DNAH14: variants seen among roughly 807,000 people sequenced by gnomAD.
DNAH14 encodes axonemal beta dynein heavy chain 14.
A neutral mutation model predicts 520.9 loss-of-function variants in DNAH14; 478 were observed. That is an observed-to-expected ratio of 0.92 (90% CI 0.85 to 0.99). The LOEUF (loss-of-function observed/expected upper bound fraction) is 0.99, where lower values mean the gene tolerates loss of function less well. Among genes scored for constraint, DNAH14 ranks in the 50% least tolerant of loss-of-function variants. The probability of loss-of-function intolerance (pLI) is 0.00; values close to 1 mark genes in which losing one functional copy is unlikely to be tolerated. For synonymous variants in DNAH14, 1,581 were observed against 1,757.2 expected, an observed-to-expected ratio of 0.90 and a Z score of 2.51; for missense variants, 4,831 against 5,234.5, an observed-to-expected ratio of 0.92 and a Z score of 2.38.
intron 15 of DNAH14, among the ~76,000 whole-genome samples, chr1:225,048,372 C>T (rs904092001): frequency 2.0e-5 from 3 of 152,006 alleles, no homozygotes; most frequent in South Asian, 2.1e-4. Context: ...CATTGTGGCA[C>T]GCACCTGTAA....
At chr1:225,287,906 A>G (rs2093784267) in intron 54 of DNAH14, among the ~76,000 whole-genome samples, 1 of 152,204 alleles carries the variant, frequency 6.6e-6, no homozygotes, top group Non-Finnish European at 1.5e-5. Flanking sequence ...AAAGAAATAA[A>G]GTGGTATTAA....
chr1:225,135,460 G>A (rs1021006854), intron 27 of DNAH14, among the ~76,000 whole-genome samples: 8 of 152,106 alleles, frequency 5.3e-5, no homozygotes, highest in African/African-American at 1.9e-4. Context: ...GTAGTTGTAT[G>A]GTTTTGAGTG....
At chr1:225,084,573 G>C (rs1169335666) in intron 20 of DNAH14, among the ~76,000 whole-genome samples, 1 of 152,018 alleles carries the variant, frequency 6.6e-6, no homozygotes, top group African/African-American at 2.4e-5. Flanking sequence ...ATTTCATGAA[G>C]TAAATTAAGA....
intron 77 of DNAH14, among the ~76,000 whole-genome samples, chr1:225,373,208 G>A (rs1197068961): frequency 6.6e-6 from 1 of 151,016 alleles, no homozygotes; most frequent in Non-Finnish European, 1.5e-5. Context: ...GAAAGAAAGG[G>A]GGAGAGGAGG....
At chr1:225,060,281 T>A (rs953955225) in intron 17 of DNAH14, among the ~76,000 whole-genome samples, 6 of 152,342 alleles carry the variant, frequency 3.9e-5, no homozygotes, top group Admixed American at 6.5e-5. Flanking sequence ...CCATCACTGA[T>A]ACCCTTTCTT....
chr1:225,174,614 T>G (rs1254977961), intron 36 of DNAH14, among the ~76,000 whole-genome samples: 1 of 151,336 alleles, frequency 6.6e-6, no homozygotes, highest in Non-Finnish European at 1.5e-5. Context: ...TCATGTCATC[T>G]GCAAACAGGA....
chr1:224,978,229 T>A (rs2062006598), intron 8 of DNAH14, among the ~76,000 whole-genome samples: 1 of 152,220 alleles, frequency 6.6e-6, no homozygotes, highest in Non-Finnish European at 1.5e-5. Flanking sequence ...ACTGCAGCAC[T>A]GTTCACAACA....
chr1:225,239,475 T>A (rs585470), intron 42 of DNAH14, among the ~76,000 whole-genome samples: 30,145 of 152,034 alleles, frequency 0.2, 3,139 homozygotes, highest in East Asian at 0.37. Flanking sequence ...ATCACCCGAC[T>A]CTGCTTTTCT....
chr1:225,204,639 G>A lies in DNAH14; in HGVS notation c.5977+366G>A, dbSNP rs1454490726. 2.0e-5 allele frequency among the ~76,000 whole-genome samples: 3 copies of A among 152,084 alleles called. No individual in the cohort carries two copies. In the East Asian group the frequency reaches 5.8e-4, roughly 29 times the overall value. On this transcript the variant is annotated intron_variant, in intron 39 of 85. Coordinates refer to ENST00000682510, the MANE Select transcript of DNAH14 (RefSeq NM_001367479.1). Reference sequence around the variant, plus strand: ...CTCCAAACAATTTGTACATTTCCAGGCCAAAGCATACAACCCAAGTAGATT... The same window carrying A: ...CTCCAAACAATTTGTACATTTCCAGACCAAAGCATACAACCCAAGTAGATT...
intron 8 of DNAH14, among the ~76,000 whole-genome samples, chr1:224,987,325 A>G (rs1011493205): frequency 5.9e-5 from 9 of 152,184 alleles, no homozygotes; most frequent in African/African-American, 1.9e-4. Flanking sequence ...CAGCTTGAGG[A>G]TGGGAAGAGA....
intron 17 of DNAH14, 31 bp downstream of exon 17, chr1:225,051,826 G>A: frequency 7.2e-7 from 1 of 1,382,084 alleles, no homozygotes; most frequent in Non-Finnish European, 9.6e-7. Flanking sequence ...TATTGTGTAA[G>A]AATGTTTCAG....
At chr1:225,056,361 G>A (rs1387385182) in intron 17 of DNAH14, among the ~76,000 whole-genome samples, 13 of 152,184 alleles carry the variant, frequency 8.5e-5, no homozygotes, top group South Asian at 2.1e-4. Flanking sequence ...CATATCCTTC[G>A]CCCACTTTTT....
chr1:225,368,033 G>C lies in DNAH14; in HGVS notation c.12318+1G>C, dbSNP rs752676591. ...TAAATTTAATTCTTCAGACTTGGGG[G>C]TAAGTGTAGTCTCTTCAAACAAACA... On this transcript the variant is annotated splice_donor_variant, in intron 77 of 85. Transcript: ENST00000682510. LOFTEE classifies it high-confidence loss of function. The C allele has an allele frequency of 1.3e-6, 2 of 1,543,120 alleles. No individual in the cohort carries two copies. The highest frequency in any genetic ancestry group is 1.4e-5 in the African/African-American group (1 of 72,724).
chr1:225,153,000 A>T, intron 33 of DNAH14, 117 bp downstream of exon 33: 3 of 1,047,904 alleles, frequency 2.9e-6, no homozygotes, highest in Non-Finnish European at 4.0e-6. Flanking sequence ...ATGGAGCTAG[A>T]ATTCCTATCA....
chr1:225,211,843 C>T (rs2088470709), intron 41 of DNAH14, among the ~76,000 whole-genome samples: 2 of 152,080 alleles, frequency 1.3e-5, no homozygotes, highest in South Asian at 4.2e-4. Context: ...CAATATTCAA[C>T]ATTCTTAAAG....
At chr1:225,064,014 CTT>C (rs375504103) in intron 17 of DNAH14, among the ~76,000 whole-genome samples, 25 of 152,096 alleles carry the variant, frequency 1.6e-4, no homozygotes, top group African/African-American at 5.5e-4. Flanking sequence ...AGAAAAATCT[CTT>C]TGGATTTTGT....
At chr1:225,310,661 T>C (rs1406693998) in intron 60 of DNAH14, among the ~76,000 whole-genome samples, 1 of 152,172 alleles carries the variant, frequency 6.6e-6, no homozygotes, top group African/African-American at 2.4e-5. Context: ...TATGTTCTCA[T>C]TGTTCAACTC....
At chr1:224,989,384 T>G (rs1444260810) in intron 8 of DNAH14, among the ~76,000 whole-genome samples, 1 of 152,234 alleles carries the variant, frequency 6.6e-6, no homozygotes, top group Admixed American at 6.5e-5. Context: ...ATTGCTAGTA[T>G]ATAGAAACAC....
chr1:225,218,308 A>G (rs543797030), intron 41 of DNAH14, among the ~76,000 whole-genome samples: 2 of 152,336 alleles, frequency 1.3e-5, no homozygotes, highest in South Asian at 4.1e-4. Flanking sequence ...ACATAACAAT[A>G]TTAACCTTAA....
Sources: gnomAD v4.1 joint callset for allele counts (sites outside exome capture counted in the v4.1 genomes callset) on GRCh38, gnomAD v4.1.1 for gene constraint, MANE v1.5 for transcripts, NCBI Gene and HGNC (gene_info 2026-07-23, HGNC 2026-07-21) for gene names.